Variants in WASHC3 observed in about 807,000 individuals in gnomAD.
The protein encoded by WASHC3 is WASH complex subunit CCDC53.
Under a neutral mutation model 26.1 loss-of-function variants are expected in WASHC3, and 24 were observed. That is an observed-to-expected ratio of 0.92 (90% CI 0.66 to 1.29). The LOEUF (loss-of-function observed/expected upper bound fraction) is 1.29. WASHC3 is among the 50% of genes most tolerant of loss of function. The probability of loss-of-function intolerance (pLI) is 0.00; values close to 1 mark genes in which losing one functional copy is unlikely to be tolerated. For missense variants in WASHC3, 214 were observed against 229.6 expected (o/e 0.93, Z 0.44); for synonymous variants, 77 against 75.7 (o/e 1.02, Z -0.09).
chr12:102,050,497 G>T, intron 2 of WASHC3: 1 of 408,490 alleles, frequency 2.4e-6, no homozygotes, highest in South Asian at 1.7e-5. Flanking sequence ...CACACAATTA[G>T]CCGGGTGTGG....
At chr12:102,054,297 T>C (rs547258623) in intron 2 of WASHC3, among the ~76,000 whole-genome samples, 2 of 152,294 alleles carry the variant, frequency 1.3e-5, no homozygotes, top group East Asian at 1.9e-4. Flanking sequence ...ATTGACTGAA[T>C]AGATACAAAA....
At chr12:102,028,576 A>G (rs375479309) in intron 5 of WASHC3, among the ~76,000 whole-genome samples, 1 of 152,106 alleles carries the variant, frequency 6.6e-6, no homozygotes, top group East Asian at 1.9e-4. Context: ...CCAAGAAAAG[A>G]GAAGCAAGGA....
At chr12:102,039,721 TTAAAA>T in intron 5 of WASHC3, 142 bp downstream of exon 5, 1 of 412,696 alleles carries the variant, frequency 2.4e-6, no homozygotes, top group Non-Finnish European at 4.4e-6. Context: ...AATCAGAGAA[TTAAAA>T]TAGAAAGGAA....
At chr12:102,054,142 A>G (rs1356966863) in intron 2 of WASHC3, among the ~76,000 whole-genome samples, 1 of 152,254 alleles carries the variant, frequency 6.6e-6, no homozygotes, top group Admixed American at 6.5e-5. Context: ...TCATCTAATC[A>G]CAAAAGACAG....
chr12:102,019,802 A>C (rs755207579), intron 6 of WASHC3, among the ~76,000 whole-genome samples: 21 of 152,220 alleles, frequency 1.4e-4, no homozygotes, highest in Non-Finnish European at 2.9e-4. Context: ...AGAAGTTACT[A>C]GGTTGACCTC....
At chr12:102,061,111 A>G (rs1241210228) in intron 2 of WASHC3, 137 bp downstream of exon 2, 1 of 619,538 alleles carries the variant, frequency 1.6e-6, no homozygotes, top group African/African-American at 1.8e-5. Context: ...AGAACCTAAG[A>G]TGTGTTAACA....
At chr12:102,029,465 A>G (rs1417291742) in intron 5 of WASHC3, among the ~76,000 whole-genome samples, 1 of 152,236 alleles carries the variant, frequency 6.6e-6, no homozygotes, top group Non-Finnish European at 1.5e-5. Context: ...TGGCAGCACT[A>G]ATAGTTAAAT....
In WASHC3 at chr12:102,053,924, G is replaced by C. The variant is rs376748759; in HGVS notation, c.150+7324C>G. 1.1e-4 allele frequency among the ~76,000 whole-genome samples: 17 copies of C among 152,268 alleles called. 1 individual carries two copies. The highest frequency in any genetic ancestry group is 2.0e-4 in the Admixed American group (3 of 15,302). ...TGTTAAGGGATATGCAGTATAAAAA[G>C]ATATACGTTGCAAAATCAAAAGCAA... On this transcript the variant is annotated intron_variant, in intron 2 of 6. Coordinates refer to ENST00000240079, the MANE Select transcript of WASHC3 (RefSeq NM_016053.4).
Position 102,022,597 on chromosome 12 carries a change from G to T in WASHC3, c.500+3377C>A, listed in dbSNP as rs7958733. Among the ~76,000 whole-genome samples the T allele has an allele frequency of 8.6e-3, 1,305 of 152,246 alleles. 23 individuals are homozygous for T. Among genetic ancestry groups the T allele is most frequent in the African/African-American group, 0.029 (1,225 of 41,536 alleles). ...TAGACCATCTGAATACAAGTAAGTA[G>T]ACCATCTCTAAAGCCGGCCTTATCC... is the stretch of plus-strand genomic sequence containing the variant. On this transcript the variant is annotated intron_variant, in intron 6 of 6. Transcript: ENST00000240079.
intron 5 of WASHC3, among the ~76,000 whole-genome samples, chr12:102,029,606 A>C (rs1877344976): frequency 6.6e-6 from 1 of 152,214 alleles, no homozygotes; most frequent in South Asian, 2.1e-4. Context: ...ATTTTCCTAA[A>C]GTTTTAGATT....
chr12:102,049,955 T>C (rs1179351798), intron 2 of WASHC3, among the ~76,000 whole-genome samples: 1 of 152,216 alleles, frequency 6.6e-6, no homozygotes, highest in Middle Eastern at 3.2e-3. Flanking sequence ...CTTTTGCTTG[T>C]ACCTAAAGAT....
intron 5 of WASHC3, among the ~76,000 whole-genome samples, chr12:102,026,582 T>TA (rs768008693): frequency 6.6e-6 from 1 of 152,126 alleles, no homozygotes; most frequent in Non-Finnish European, 1.5e-5. Flanking sequence ...GTACAAACAC[T>TA]AATGACAATT....
chr12:102,018,173 C>T (rs990509304), intron 6 of WASHC3, among the ~76,000 whole-genome samples: 9 of 152,114 alleles, frequency 5.9e-5, no homozygotes, highest in African/African-American at 1.7e-4. Context: ...AATATTCCAC[C>T]GTATGTATAT....
At chr12:102,057,683 C>A (rs1878645098) in intron 2 of WASHC3, among the ~76,000 whole-genome samples, 1 of 151,010 alleles carries the variant, frequency 6.6e-6, no homozygotes, top group African/African-American at 2.4e-5. Flanking sequence ...AAAAAAAATA[C>A]ATAGGGGTAA....
intron 5 of WASHC3, among the ~76,000 whole-genome samples, chr12:102,030,428 A>G (rs993661854): frequency 1.3e-5 from 2 of 152,086 alleles, no homozygotes; most frequent in Non-Finnish European, 2.9e-5. Flanking sequence ...ACAAAAGAAA[A>G]CAAATGCTCA....
At chr12:102,060,311 T>TAAAACA (rs901969564) in intron 2 of WASHC3, among the ~76,000 whole-genome samples, 3 of 152,328 alleles carry the variant, frequency 2.0e-5, no homozygotes, top group East Asian at 3.9e-4. Context: ...TCCTCTTTTT[T>TAAAACA]AAAACAAAAA....
At chr12:102,050,652 A>G in intron 2 of WASHC3, 1 of 438,008 alleles carries the variant, frequency 2.3e-6, no homozygotes, top group Non-Finnish European at 4.5e-6. Flanking sequence ...CGGGGGGAAA[A>G]GAAAAGAAAA....
chr12:102,061,896 AC>A lies in WASHC3; in HGVS notation c.51+15del. 6.3e-7 allele frequency: 1 copy of A among 1,591,004 alleles called. No individual in the cohort carries two copies. Among genetic ancestry groups the A allele is most frequent in the Non-Finnish European group, 8.6e-7 (1 of 1,167,360 alleles). ...CCTCCCGGCTCGTCGGGAGTCTAGC[AC>A]CGTCTTTTACAAACCTTGGTCAGGT... On this transcript the variant is annotated intron_variant, in intron 1 of 6. Transcript: ENST00000240079.
chr12:102,060,403 C>A (rs1411126130), intron 2 of WASHC3, among the ~76,000 whole-genome samples: 2 of 152,196 alleles, frequency 1.3e-5, no homozygotes, highest in Non-Finnish European at 2.9e-5. Flanking sequence ...CCTCTGCCTC[C>A]CGAGTAGCTG....
Sources: allele counts gnomAD v4.1 joint callset (sites outside exome capture counted in the v4.1 genomes callset), GRCh38; gene constraint gnomAD v4.1.1; transcripts MANE v1.5; gene names NCBI Gene and HGNC (gene_info 2026-07-23, HGNC 2026-07-21).